The following ASTN2 variants were observed in gnomAD, a reference collection of about 807,000 sequenced individuals.
ASTN2 encodes astrotactin 2.
ASTN2 carries 54 observed loss-of-function variants against 139.8 expected under a neutral mutation model. The ratio of observed to expected loss-of-function variants is 0.39; its 90% CI spans 0.31 to 0.48. The LOEUF (loss-of-function observed/expected upper bound fraction) is 0.48. Ranked by LOEUF, ASTN2 falls within the 20% of genes least tolerant of loss-of-function variation. The pLI is 0.95. For missense variants in ASTN2, 1,565 were observed against 1,725.1 expected (o/e 0.91, Z 1.64); for synonymous variants, 756 against 719.5 (o/e 1.05, Z -0.81).
intron 3 of ASTN2, among the ~76,000 whole-genome samples, chr9:117,150,260 C>T (rs143420334): frequency 6.6e-6 from 1 of 152,266 alleles, no homozygotes; most frequent in East Asian, 1.9e-4. Flanking sequence ...AATGTGCTTT[C>T]ATGAAGATGA....
At chr9:117,055,615 C>T (rs1337180381) in intron 5 of ASTN2, among the ~76,000 whole-genome samples, 1 of 152,134 alleles carries the variant, frequency 6.6e-6, no homozygotes, top group African/African-American at 2.4e-5. Context: ...AGGATATTTA[C>T]ACGAGAGGAG....
At chr9:116,914,536 CTG>C (rs1342617349) in intron 10 of ASTN2, among the ~76,000 whole-genome samples, 1 of 147,180 alleles carries the variant, frequency 6.8e-6, no homozygotes, top group Non-Finnish European at 1.5e-5. Flanking sequence ...GTGCCAGACA[CTG>C]TAAAGTGTTT....
At chr9:116,899,257 C>A (rs979345405) in intron 10 of ASTN2, among the ~76,000 whole-genome samples, 1 of 152,132 alleles carries the variant, frequency 6.6e-6, no homozygotes, top group Non-Finnish European at 1.5e-5. Flanking sequence ...GTTAGAACTG[C>A]TGGAGTTAAA....
chr9:117,358,063 T>TA (rs1346304125), intron 1 of ASTN2, among the ~76,000 whole-genome samples: 2 of 152,194 alleles, frequency 1.3e-5, no homozygotes, highest in Non-Finnish European at 2.9e-5. Context: ...CAGATGGTCC[T>TA]ATCCCAGACC....
intron 2 of ASTN2, among the ~76,000 whole-genome samples, chr9:117,259,579 A>G (rs1833773882): frequency 6.6e-6 from 1 of 152,184 alleles, no homozygotes; most frequent in South Asian, 2.1e-4. Flanking sequence ...CTTGGTCATC[A>G]TAACCCAGAC....
At chr9:116,548,631 C>T (rs577426922) in intron 19 of ASTN2, among the ~76,000 whole-genome samples, 3 of 152,230 alleles carry the variant, frequency 2.0e-5, no homozygotes, top group Admixed American at 2.0e-4. Flanking sequence ...CCCCACTATG[C>T]TCGGCTAATT....
intron 16 of ASTN2, chr9:116,697,875 C>G: frequency 1.2e-6 from 2 of 1,614,194 alleles, no homozygotes; most frequent in Non-Finnish European, 1.7e-6. Flanking sequence ...TACCATCTGC[C>G]GCCAGTGCCT....
At chr9:117,311,558 A>G (rs529301591) in intron 1 of ASTN2, among the ~76,000 whole-genome samples, 1 of 152,294 alleles carries the variant, frequency 6.6e-6, no homozygotes, top group East Asian at 1.9e-4. Flanking sequence ...TGTTTTACAG[A>G]TGCAGAAAGT....
rs977133064 is a variant in ASTN2, at chr9:116,857,935, C to A, written c.2040+5648G>T. On this transcript the variant is annotated intron_variant, in intron 11 of 22. Coordinates refer to ENST00000313400, the MANE Select transcript of ASTN2 (RefSeq NM_001365068.1). ...AGAAGCCTTGCAGCTTCTGCCTAGG[C>A]ACTTAGAACGCTGGATCTTGGGATG... 1.7e-4 allele frequency among the ~76,000 whole-genome samples: 26 copies of A among 152,326 alleles called. 1 individual carries two copies. Among genetic ancestry groups the A allele is most frequent in the African/African-American group, 6.0e-4 (25 of 41,572 alleles).
Position 116,588,982 on chromosome 9 carries a change from A to C in ASTN2, c.3355+29342T>G, listed in dbSNP as rs557967071. Among the ~76,000 whole-genome samples, 4 of 152,288 alleles carry C rather than the reference A, an allele frequency of 2.6e-5. No homozygotes were observed. In the South Asian group the frequency reaches 8.3e-4, roughly 32 times the overall value. On this transcript the variant is annotated intron_variant, in intron 19 of 22. Coordinates refer to ENST00000313400, the MANE Select transcript of ASTN2 (RefSeq NM_001365068.1). ...GAGGTCAAGAATTGACTTGGGGAGGAAGATTTGGAGAAAGGTCATATAATT... is the reference window on the plus strand; with the variant it reads ...GAGGTCAAGAATTGACTTGGGGAGGCAGATTTGGAGAAAGGTCATATAATT...
chr9:117,324,929 G>C (rs1828463435), intron 1 of ASTN2, among the ~76,000 whole-genome samples: 1 of 152,112 alleles, frequency 6.6e-6, no homozygotes, highest in Admixed American at 6.5e-5. Flanking sequence ...TGGGCAGTGG[G>C]AGTGAAAGGG....
At chr9:116,588,111 A>G (rs1854232384) in intron 19 of ASTN2, among the ~76,000 whole-genome samples, 1 of 152,204 alleles carries the variant, frequency 6.6e-6, no homozygotes, top group Non-Finnish European at 1.5e-5. Flanking sequence ...CTGGAGAATG[A>G]GGCACTGGGC....
intron 4 of ASTN2, among the ~76,000 whole-genome samples, chr9:117,139,438 T>C (rs1427433622): frequency 6.6e-6 from 1 of 152,180 alleles, no homozygotes; most frequent in Non-Finnish European, 1.5e-5. Context: ...TGTCTGACTT[T>C]AAGGTGACTG....
intron 19 of ASTN2, among the ~76,000 whole-genome samples, chr9:116,601,426 A>G (rs1374097077): frequency 6.6e-6 from 1 of 152,210 alleles, no homozygotes; most frequent in Non-Finnish European, 1.5e-5. Flanking sequence ...GATCAAATGT[A>G]TATTTTAACA....
intron 1 of ASTN2, among the ~76,000 whole-genome samples, chr9:117,409,832 C>G (rs771581084): frequency 3.3e-5 from 5 of 152,182 alleles, no homozygotes; most frequent in Admixed American, 6.5e-5. Flanking sequence ...GCTAAACTCC[C>G]TTCTCCCAAC....
intron 1 of ASTN2, among the ~76,000 whole-genome samples, chr9:117,301,277 A>T (rs1834868863): frequency 6.6e-6 from 1 of 152,052 alleles, no homozygotes; most frequent in South Asian, 2.1e-4. Flanking sequence ...AACACAGCCC[A>T]ATGTCAATGA....
chr9:117,232,899 TTTC>T (rs1832939333), intron 2 of ASTN2, among the ~76,000 whole-genome samples: 1 of 152,024 alleles, frequency 6.6e-6, no homozygotes, highest in African/African-American at 2.4e-5. Context: ...TTTTTTTTTT[TTTC>T]CTTTTTGTTC....
intron 10 of ASTN2, among the ~76,000 whole-genome samples, chr9:116,926,973 A>T (rs796390344): frequency 2.6e-5 from 4 of 152,376 alleles, no homozygotes; most frequent in African/African-American, 9.6e-5. Flanking sequence ...AAGCAAGAAC[A>T]GTTGAACAGA....
intron 10 of ASTN2, among the ~76,000 whole-genome samples, chr9:116,921,665 G>T (rs1355122603): frequency 6.6e-6 from 1 of 151,518 alleles, no homozygotes; most frequent in Admixed American, 6.6e-5. Flanking sequence ...TTACAGTTCT[G>T]CATGGCTGGA....
Sources: gnomAD v4.1 joint callset for allele counts (sites outside exome capture counted in the v4.1 genomes callset) on GRCh38, gnomAD v4.1.1 for gene constraint, MANE v1.5 for transcripts, NCBI Gene and HGNC (gene_info 2026-07-23, HGNC 2026-07-21) for gene names.